ZFPM2: variants seen among roughly 807,000 people sequenced by gnomAD.
ZFPM2 encodes the protein zinc finger protein ZFPM2.
A neutral mutation model predicts 98.6 loss-of-function variants in ZFPM2; 20 were observed. The observed-to-expected ratio is 0.20, with a 90% CI of 0.14 to 0.29. ZFPM2 has a LOEUF of 0.29. Among genes scored for constraint, ZFPM2 ranks in the 10% least tolerant of loss-of-function variants. The probability of loss-of-function intolerance (pLI) is 1.00; values close to 1 mark genes in which losing one functional copy is unlikely to be tolerated. For synonymous variants in ZFPM2, 518 were observed against 502.7 expected (o/e 1.03, Z -0.41); for missense variants, 1,310 against 1,388.6 (o/e 0.94, Z 0.90).
At chr8:105,485,245 C>T (rs901025893) in intron 3 of ZFPM2, among the ~76,000 whole-genome samples, 5 of 152,162 alleles carry the variant, frequency 3.3e-5, no homozygotes, top group African/African-American at 4.8e-5. Context: ...CAGGGAGCAG[C>T]AGCATCAGTC....
At chr8:105,360,671 T>C (rs1812840024) in intron 1 of ZFPM2, among the ~76,000 whole-genome samples, 1 of 142,616 alleles carries the variant, frequency 7.0e-6, no homozygotes, top group Non-Finnish European at 1.5e-5. Context: ...CCCCTTCCTG[T>C]GTCCATGTGT....
chr8:105,670,687 T>C (rs75009654), intron 5 of ZFPM2, among the ~76,000 whole-genome samples: 4,241 of 152,244 alleles, frequency 0.028, 61 homozygotes, highest in Admixed American at 0.04. Context: ...TGCATATGTA[T>C]ATATTTCTAA....
At chr8:105,761,217 A>G (rs1271406547) in intron 5 of ZFPM2, among the ~76,000 whole-genome samples, 1 of 151,878 alleles carries the variant, frequency 6.6e-6, no homozygotes, top group East Asian at 1.9e-4. Context: ...CCAGTGTCGC[A>G]GGACAGTAGA....
At chr8:105,456,041 T>C (rs1563667516) in intron 3 of ZFPM2, among the ~76,000 whole-genome samples, 1 of 151,210 alleles carries the variant, frequency 6.6e-6, no homozygotes, top group Non-Finnish European at 1.5e-5. Context: ...CCCCTAGAGA[T>C]AGGAGACAGA....
intron 3 of ZFPM2, among the ~76,000 whole-genome samples, chr8:105,498,275 A>G (rs1410812192): frequency 1.3e-5 from 2 of 152,192 alleles, no homozygotes; most frequent in African/African-American, 4.8e-5. Context: ...GATATATAAC[A>G]TGTATGTAAG....
chr8:105,510,917 AT>A (rs770303731), intron 3 of ZFPM2, among the ~76,000 whole-genome samples: 5 of 152,176 alleles, frequency 3.3e-5, no homozygotes, highest in Non-Finnish European at 7.3e-5. Flanking sequence ...TGCTTTAGAA[AT>A]TTTACCCTTT....
chr8:105,474,119 C>T (rs1812964523), intron 3 of ZFPM2, among the ~76,000 whole-genome samples: 1 of 152,206 alleles, frequency 6.6e-6, no homozygotes, highest in Admixed American at 6.5e-5. Context: ...AGGTTCTTGA[C>T]TACTGGATGT....
chr8:105,727,885 CAAAG>C (rs1249464795), intron 5 of ZFPM2, among the ~76,000 whole-genome samples: 1 of 148,284 alleles, frequency 6.7e-6, no homozygotes, highest in East Asian at 2.0e-4. Flanking sequence ...CAACAGCAGA[CAAAG>C]GAAGGAGGCT....
chr8:105,723,372 C>A (rs1811717647), intron 5 of ZFPM2, among the ~76,000 whole-genome samples: 1 of 151,788 alleles, frequency 6.6e-6, no homozygotes, highest in African/African-American at 2.4e-5. Context: ...GAGTTCTCTT[C>A]CACAGCATTG....
intron 5 of ZFPM2, among the ~76,000 whole-genome samples, chr8:105,666,210 C>T (rs1322241500): frequency 6.6e-6 from 1 of 151,284 alleles, no homozygotes; most frequent in Non-Finnish European, 1.5e-5. Context: ...TCTCACATAA[C>T]TTCCCATTTA....
intron 5 of ZFPM2, among the ~76,000 whole-genome samples, chr8:105,744,222 A>G (rs1307693202): frequency 6.6e-6 from 1 of 152,014 alleles, no homozygotes; most frequent in Non-Finnish European, 1.5e-5. Flanking sequence ...TTCTTTTTAT[A>G]GCTCCCTGTG....
chr8:105,493,921 A>T (rs2130441945), intron 3 of ZFPM2, among the ~76,000 whole-genome samples: 1 of 151,978 alleles, frequency 6.6e-6, no homozygotes, highest in Middle Eastern at 3.4e-3. Context: ...AAACTCAAGG[A>T]CTACTTATTG....
chr8:105,520,283 G>A (rs2130543748), intron 3 of ZFPM2, among the ~76,000 whole-genome samples: 1 of 152,180 alleles, frequency 6.6e-6, no homozygotes, highest in Middle Eastern at 3.4e-3. Context: ...TTAAGTTGAT[G>A]TAAAAATGCA....
chr8:105,517,742 C>CACACACACACACACACACACACACACACA (rs1586430844), intron 3 of ZFPM2, among the ~76,000 whole-genome samples: 1 of 150,106 alleles, frequency 6.7e-6, no homozygotes, highest in African/African-American at 2.5e-5. Context: ...CACACACACA[C>CACACACACACACACACACACACACACACA]CCCTAGTTGG....
At chr8:105,444,204 T>A in intron 2 of ZFPM2, 76 bp from the exon 3 acceptor site, 1 of 1,098,830 alleles carries the variant, frequency 9.1e-7, no homozygotes, top group Non-Finnish European at 1.4e-6. Flanking sequence ...GATAAGGACA[T>A]CCCTTTATGA....
intron 2 of ZFPM2, among the ~76,000 whole-genome samples, chr8:105,423,128 A>G (rs1362847131): frequency 6.6e-6 from 1 of 152,214 alleles, no homozygotes; most frequent in Non-Finnish European, 1.5e-5. Context: ...GTGATTAAAT[A>G]AGACCCAAAT....
chr8:105,794,427 G>A (rs1362870650), intron 6 of ZFPM2, among the ~76,000 whole-genome samples: 2 of 152,242 alleles, frequency 1.3e-5, no homozygotes, highest in Admixed American at 6.5e-5. Flanking sequence ...CTGTCTCATC[G>A]TTCCTCTGGA....
At chr8:105,524,220 A>G (rs1312850233) in intron 3 of ZFPM2, among the ~76,000 whole-genome samples, 2 of 152,180 alleles carry the variant, frequency 1.3e-5, no homozygotes, top group African/African-American at 4.8e-5. Flanking sequence ...CAAAAGTATA[A>G]TCTTTTCTGG....
At position 105,775,172 on chromosome 8, in the gene ZFPM2, G is replaced by A. The variant is rs1181283241; in HGVS notation, c.533-13546G>A. Among the ~76,000 whole-genome samples, 3 of 152,074 alleles carry A rather than the reference G, an allele frequency of 2.0e-5. 1 individual carries two copies. In the South Asian group the frequency reaches 6.2e-4, roughly 32 times the overall value. ...TCATTTTCAGCTTGGTGCTTGGGGG[G>A]TTTTCATCAGGATACCGCAATGGAT... On this transcript the variant is annotated intron_variant, in intron 5 of 7. Coordinates refer to ENST00000407775, the MANE Select transcript of ZFPM2 (RefSeq NM_012082.4).
Sources: gnomAD v4.1 joint callset for allele counts (sites outside exome capture counted in the v4.1 genomes callset) on GRCh38, gnomAD v4.1.1 for gene constraint, MANE v1.5 for transcripts, NCBI Gene and HGNC (gene_info 2026-07-23, HGNC 2026-07-21) for gene names.